MB21D2: variants seen among roughly 807,000 people sequenced by gnomAD.
MB21D2 encodes nucleotidyltransferase MB21D2.
In MB21D2, 9 loss-of-function variants were observed where a neutral mutation model predicts 33.3. The ratio of observed to expected loss-of-function variants is 0.27; its 90% CI spans 0.16 to 0.47. MB21D2 has a LOEUF of 0.47. Among genes scored for constraint, MB21D2 ranks in the 20% least tolerant of loss-of-function variants. The probability of loss-of-function intolerance (pLI) is 0.99; values close to 1 mark genes in which losing one functional copy is unlikely to be tolerated. For synonymous variants in MB21D2, 241 were observed against 236.3 expected (o/e 1.02, Z -0.18); for missense variants, 540 against 624.6 (o/e 0.86, Z 1.44).
chr3:192,875,491 A>G (rs1349952676), intron 1 of MB21D2, among the ~76,000 whole-genome samples: 2 of 152,218 alleles, frequency 1.3e-5, no homozygotes. Context: ...TGTTTTAGAA[A>G]GACTGTAGGT....
In MB21D2 at chr3:192,855,383, C is replaced by T. The variant is rs541357520; in HGVS notation, c.212-55733G>A. On this transcript the variant is annotated intron_variant, in intron 1 of 1. Coordinates refer to ENST00000392452, the MANE Select transcript of MB21D2 (RefSeq NM_178496.4). Reference sequence around the variant, plus strand: ...AAGTGCTGTGATTACAGGTGTGAGCCACTGTGCCCAGCCAATAAGGTATTT... The same window carrying T: ...AAGTGCTGTGATTACAGGTGTGAGCTACTGTGCCCAGCCAATAAGGTATTT... Among the ~76,000 whole-genome samples the T allele has an allele frequency of 1.9e-4, 29 of 152,282 alleles. 1 individual carries two copies. In the South Asian group the frequency reaches 5.6e-3, roughly 29 times the overall value.
At position 192,814,351 on chromosome 3, in the gene MB21D2, T is replaced by G. The variant is rs887850930; in HGVS notation, c.212-14701A>C. On this transcript the variant is annotated intron_variant, in intron 1 of 1. Transcript: ENST00000392452. ...TAACAGACTAATAAAGAGCTGAATC[T>G]GCTGAGACAGAATTGCCTACCTGAT... Among the ~76,000 whole-genome samples the G allele has an allele frequency of 3.3e-5, 5 of 152,290 alleles. No individual in the cohort carries two copies. In the East Asian group the frequency reaches 9.7e-4, roughly 29 times the overall value.
At chr3:192,800,170 G>T (rs531665610) in intron 1 of MB21D2, among the ~76,000 whole-genome samples, 12 of 152,034 alleles carry the variant, frequency 7.9e-5, no homozygotes, top group Non-Finnish European at 1.6e-4. Flanking sequence ...TTGTACCAGC[G>T]GTTCTCAGTG....
chr3:192,828,192 A>G (rs987341998), intron 1 of MB21D2, among the ~76,000 whole-genome samples: 1 of 152,070 alleles, frequency 6.6e-6, no homozygotes, highest in Non-Finnish European at 1.5e-5. Context: ...AAATGGACTA[A>G]TACGACGTTC....
chr3:192,840,678 CATGGTATTCAT>C (rs1478073502), intron 1 of MB21D2, among the ~76,000 whole-genome samples: 2 of 152,248 alleles, frequency 1.3e-5, no homozygotes, highest in East Asian at 3.9e-4. Context: ...ACTGCTAAAA[CATGGTATTCAT>C]ATGGGCCTCT....
intron 1 of MB21D2, among the ~76,000 whole-genome samples, chr3:192,840,415 CTTTTTTTTTTTT>C (rs71177380): frequency 1.8e-4 from 16 of 88,290 alleles, no homozygotes; most frequent in East Asian, 3.8e-4. Context: ...TCTCTTTTTT[CTTTTTTTTTTTT>C]TTTTTTTTTT....
chr3:192,821,682 G>A (rs929229128), intron 1 of MB21D2, among the ~76,000 whole-genome samples: 10 of 152,180 alleles, frequency 6.6e-5, no homozygotes, highest in African/African-American at 2.4e-4. Context: ...TTAAATGTCT[G>A]GAATTGGAGA....
At chr3:192,907,793 G>A (rs1714244874) in intron 1 of MB21D2, among the ~76,000 whole-genome samples, 1 of 152,176 alleles carries the variant, frequency 6.6e-6, no homozygotes, top group South Asian at 2.1e-4. Context: ...GAGGCACTTG[G>A]AGGATGACTG....
intron 1 of MB21D2, among the ~76,000 whole-genome samples, chr3:192,902,733 C>T (rs750335833): frequency 6.6e-6 from 1 of 152,180 alleles, no homozygotes; most frequent in Non-Finnish European, 1.5e-5. Flanking sequence ...TAAGACCAGC[C>T]ACAGGGAGTG....
Position 192,798,620 on chromosome 3 carries a change from G to A in MB21D2, c.1242C>T (p.Ala414=), listed in dbSNP as rs1387533535. 1.2e-6 allele frequency: 2 copies of A among 1,613,980 alleles called. No homozygotes were observed. The highest frequency in any genetic ancestry group is 1.7e-6 in the Non-Finnish European group (2 of 1,180,030). Residue 414 remains alanine (A), a synonymous_variant, in exon 2 of 2, where the codon GCC becomes GCT. Coordinates refer to ENST00000392452, the MANE Select transcript of MB21D2 (RefSeq NM_178496.4). The surrounding 1 kb of genome is among the most constrained non-coding windows in gnomAD (Gnocchi z 4.8). The part of the protein sequence containing the change: ...RSDPAEHLRT[A]IEHVKAANRL... ...GGTTGGCTGCCTTGACATGCTCAAT[G>A]GCGGTGCGCAAGTGCTCTGCCGGGT...
intron 1 of MB21D2, among the ~76,000 whole-genome samples, chr3:192,860,971 A>C (rs772691557): frequency 2.0e-5 from 3 of 152,210 alleles, no homozygotes; most frequent in African/African-American, 4.8e-5. Context: ...AAGAGCATTA[A>C]ACTAGAAACG....
At chr3:192,898,457 T>C (rs1714025136) in intron 1 of MB21D2, among the ~76,000 whole-genome samples, 1 of 152,176 alleles carries the variant, frequency 6.6e-6, no homozygotes, top group Non-Finnish European at 1.5e-5. Context: ...CATGATTATA[T>C]GCTACAAAGA....
intron 1 of MB21D2, among the ~76,000 whole-genome samples, chr3:192,817,102 C>T (rs951010620): frequency 6.6e-6 from 1 of 152,188 alleles, no homozygotes; most frequent in African/African-American, 2.4e-5. Context: ...TATTCCAATA[C>T]TTTTTCTATC....
intron 1 of MB21D2, among the ~76,000 whole-genome samples, chr3:192,828,095 C>G (rs1238649086): frequency 1.3e-5 from 2 of 152,030 alleles, no homozygotes; most frequent in Non-Finnish European, 2.9e-5. Flanking sequence ...GTGAGGCCTC[C>G]CCAGCCATGT....
intron 1 of MB21D2, among the ~76,000 whole-genome samples, chr3:192,828,370 T>G (rs906236327): frequency 1.3e-5 from 2 of 150,850 alleles, no homozygotes; most frequent in Non-Finnish European, 3.0e-5. Flanking sequence ...CTACCTGGAG[T>G]GTGCTCTAGA....
At chr3:192,828,060 A>G (rs566379707) in intron 1 of MB21D2, among the ~76,000 whole-genome samples, 18 of 152,148 alleles carry the variant, frequency 1.2e-4, no homozygotes, top group Non-Finnish European at 2.4e-4. Context: ...CATATAAGAC[A>G]TATCTTTTGC....
chr3:192,872,967 C>A (rs1713342970), intron 1 of MB21D2, among the ~76,000 whole-genome samples: 1 of 151,536 alleles, frequency 6.6e-6, no homozygotes, highest in Non-Finnish European at 1.5e-5. Context: ...TTTAGTGATA[C>A]TCAGCAAAAC....
chr3:192,806,512 G>C (rs535712386), intron 1 of MB21D2, among the ~76,000 whole-genome samples: 2 of 152,330 alleles, frequency 1.3e-5, no homozygotes, highest in South Asian at 4.1e-4. Context: ...ATCTGGCACA[G>C]TAACTCACGA....
At chr3:192,831,140 C>T (rs1712305614) in intron 1 of MB21D2, among the ~76,000 whole-genome samples, 1 of 152,212 alleles carries the variant, frequency 6.6e-6, no homozygotes, top group Non-Finnish European at 1.5e-5. Flanking sequence ...GCAACCTTTT[C>T]TTGCCTTGGT....
Sources: gnomAD v4.1 joint callset for allele counts (sites outside exome capture counted in the v4.1 genomes callset) on GRCh38, gnomAD v4.1.1 for gene constraint, Gnocchi (gnomAD v3.1) non-coding constraint, MANE v1.5 for transcripts, NCBI Gene and HGNC (gene_info 2026-07-23, HGNC 2026-07-21) for gene names.